Variants in FMN1 observed in about 807,000 individuals in gnomAD.
FMN1 encodes the protein formin-1.
FMN1 carries 110 observed loss-of-function variants against 132.4 expected under a neutral mutation model. The ratio of observed to expected loss-of-function variants is 0.83; its 90% CI spans 0.71 to 0.97. The LOEUF (loss-of-function observed/expected upper bound fraction) is 0.97. FMN1 is among the 50% of genes least tolerant of loss of function. The pLI is 0.00. For synonymous variants in FMN1, 722 were observed against 651.7 expected (o/e 1.11, Z -1.64); for missense variants, 1,792 against 1,705.3 (o/e 1.05, Z -0.90).
intron 10 of FMN1, among the ~76,000 whole-genome samples, chr15:32,916,187 G>C (rs1028991273): frequency 6.6e-6 from 1 of 152,156 alleles, no homozygotes; most frequent in African/African-American, 2.4e-5. Context: ...CACATGCAAG[G>C]GGTCAGGGTC....
intron 4 of FMN1, among the ~76,000 whole-genome samples, chr15:33,115,508 A>ACACACG (rs1566929012): frequency 7.4e-6 from 1 of 134,766 alleles, no homozygotes; most frequent in Non-Finnish European, 1.6e-5. Flanking sequence ...CCCCCCACAC[A>ACACACG]CACACGCACA....
At chr15:33,090,333 G>A (rs1345385850) in intron 4 of FMN1, among the ~76,000 whole-genome samples, 3 of 152,154 alleles carry the variant, frequency 2.0e-5, no homozygotes, top group Non-Finnish European at 2.9e-5. Flanking sequence ...AGTCAGCTCA[G>A]AAAGGAACTG....
chr15:32,861,235 A>G (rs1471025287), intron 16 of FMN1, among the ~76,000 whole-genome samples: 3 of 152,204 alleles, frequency 2.0e-5, no homozygotes, highest in Non-Finnish European at 2.9e-5. Flanking sequence ...AACTCCTTCA[A>G]GGTTACTTCT....
chr15:33,184,596 C>T (rs147588707), intron 2 of FMN1, among the ~76,000 whole-genome samples: 265 of 151,872 alleles, frequency 1.7e-3, no homozygotes, highest in Admixed American at 2.8e-3. Context: ...CTCCGCCTCC[C>T]GGGTTCAAGC....
intron 16 of FMN1, among the ~76,000 whole-genome samples, chr15:32,886,423 T>C (rs1567327207): frequency 6.6e-6 from 1 of 152,200 alleles, no homozygotes; most frequent in African/African-American, 2.4e-5. Flanking sequence ...CTGAGGAAAG[T>C]GTCAGTTGAG....
chr15:32,982,481 T>A (rs1399670193), intron 7 of FMN1, among the ~76,000 whole-genome samples: 1 of 152,222 alleles, frequency 6.6e-6, no homozygotes, highest in East Asian at 1.9e-4. Context: ...TTTTGGTAGC[T>A]TTATCAATAA....
chr15:33,003,066 A>T (rs1293937661), intron 7 of FMN1, among the ~76,000 whole-genome samples: 1 of 152,214 alleles, frequency 6.6e-6, no homozygotes, highest in African/African-American at 2.4e-5. Context: ...GACGTATCTC[A>T]AAATAGTAAG....
intron 18 of FMN1, among the ~76,000 whole-genome samples, chr15:32,802,294 A>T (rs545183315): frequency 1.3e-5 from 2 of 152,356 alleles, no homozygotes; most frequent in East Asian, 3.9e-4. Context: ...CCTGTAGCGA[A>T]GTGAACTGTT....
chr15:32,797,070 G>A (rs1373870166), intron 19 of FMN1, among the ~76,000 whole-genome samples: 2 of 151,758 alleles, frequency 1.3e-5, no homozygotes, highest in Admixed American at 6.6e-5. Flanking sequence ...TGCCACAAAC[G>A]CCCGTGGCTG....
rs886615295 is a variant in FMN1 at position 33,088,734 on chromosome 15, A to G, written c.2043+65T>C. On this transcript the variant is annotated intron_variant, in intron 5 of 20. Transcript: ENST00000616417. The stretch of plus-strand genomic sequence containing the variant: ...TTTATATACACAATTTACATTAAAT[A>G]CATATTAAATGAGCCTCTGTTGACC... The G allele has an allele frequency of 7.5e-6, 10 of 1,325,502 alleles. No homozygotes were observed. The African/African-American group carries it at 1.3e-4, about 18-fold the overall frequency. The allele number at this position is 1,325,502 out of a possible 1,614,324, so 82.1% of individuals were successfully genotyped here.
intron 6 of FMN1, among the ~76,000 whole-genome samples, chr15:33,052,339 G>T (rs1379644700): frequency 2.0e-5 from 3 of 152,134 alleles, no homozygotes; most frequent in African/African-American, 7.2e-5. Context: ...AAAAAACATG[G>T]AAAACATTGA....
chr15:33,067,908 A>C (rs780953235), intron 5 of FMN1: 1 of 1,583,382 alleles, frequency 6.3e-7, no homozygotes, highest in African/African-American at 1.4e-5. Flanking sequence ...CCTTGGTGGA[A>C]GTTCTGACTT....
intron 1 of FMN1, 130 bp from the exon 2 acceptor site, chr15:33,194,190 CAAAAAAAAAAAA>C (rs61236935): frequency 1.3e-4 from 3 of 22,542 alleles, no homozygotes; most frequent in African/African-American, 2.1e-4. Flanking sequence ...CATCCAGCTT[CAAAAAAAAAAAA>C]AAAAAAAAAA....
At chr15:33,045,965 T>A (rs1596543837) in intron 6 of FMN1, among the ~76,000 whole-genome samples, 1 of 152,232 alleles carries the variant, frequency 6.6e-6, no homozygotes, top group Non-Finnish European at 1.5e-5. Context: ...AAGGCTCATT[T>A]TTCACTGATT....
intron 17 of FMN1, among the ~76,000 whole-genome samples, chr15:32,823,382 T>C (rs1208762129): frequency 6.6e-6 from 1 of 151,916 alleles, no homozygotes; most frequent in African/African-American, 2.4e-5. Flanking sequence ...GCCAGGAAGG[T>C]CTCGATCTCC....
At chr15:32,980,706 T>A (rs1006712502) in intron 7 of FMN1, among the ~76,000 whole-genome samples, 6 of 152,242 alleles carry the variant, frequency 3.9e-5, no homozygotes, top group African/African-American at 1.4e-4. Context: ...GGGAAAATTA[T>A]AACTGGTCTA....
rs888425582 is a variant in FMN1 at position 33,027,073 on chromosome 15, A to AT, written c.2162-18999dup. 9.0e-3 allele frequency among the ~76,000 whole-genome samples: 1,334 copies of AT among 148,366 alleles called. 23 individuals are homozygous for AT. Among genetic ancestry groups the AT allele is most frequent in the African/African-American group, 0.03 (1,226 of 40,730 alleles). On this transcript the variant is annotated intron_variant, in intron 6 of 20. Transcript: ENST00000616417. ...AAAGACAAGAAAGCCTAACAGACAT[A>AT]TTTTTTTTTTAATGCAAAAGTTTGG...
At chr15:32,978,275 G>C (rs1567497327) in intron 7 of FMN1, among the ~76,000 whole-genome samples, 1 of 152,164 alleles carries the variant, frequency 6.6e-6, no homozygotes, top group Non-Finnish European at 1.5e-5. Context: ...ACAGATGTTT[G>C]AAATCTGCAC....
intron 3 of FMN1, among the ~76,000 whole-genome samples, chr15:33,157,549 T>C (rs141769840): frequency 5.2e-4 from 79 of 152,336 alleles, no homozygotes; most frequent in African/African-American, 1.9e-3. Flanking sequence ...TCATAGGTCA[T>C]GTTGCTCTTC....
Sources: gnomAD v4.1 joint callset for allele counts (sites outside exome capture counted in the v4.1 genomes callset) on GRCh38, gnomAD v4.1.1 for gene constraint, MANE v1.5 for transcripts, NCBI Gene and HGNC (gene_info 2026-07-23, HGNC 2026-07-21) for gene names.